KAZN: variants seen among roughly 807,000 people sequenced by gnomAD.
KAZN encodes the protein kazrin.
Under a neutral mutation model 87.4 loss-of-function variants are expected in KAZN, and 40 were observed. The ratio of observed to expected loss-of-function variants is 0.46; its 90% CI spans 0.36 to 0.60. The LOEUF (loss-of-function observed/expected upper bound fraction) is 0.60. Among genes scored for constraint, KAZN ranks in the 20% least tolerant of loss-of-function variants. The pLI, the probability that KAZN is intolerant of heterozygous loss-of-function variation, is 0.00. For synonymous variants in KAZN, 466 were observed against 458.3 expected (o/e 1.02, Z -0.22); for missense variants, 898 against 1,073.9 (o/e 0.84, Z 2.29).
chr1:14,168,575 G>C (rs12045417), intron 1 of KAZN, among the ~76,000 whole-genome samples: 17,698 of 152,176 alleles, frequency 0.12, 1,180 homozygotes, highest in East Asian at 0.36. Context: ...TGGCAACAGT[G>C]GATGGAGATG....
intron 1 of KAZN, among the ~76,000 whole-genome samples, chr1:14,794,391 A>C (rs1344310285): frequency 6.6e-6 from 1 of 152,182 alleles, no homozygotes; most frequent in African/African-American, 2.4e-5. Context: ...AACAGGCAAC[A>C]GATCTCTGGA....
intron 1 of KAZN, among the ~76,000 whole-genome samples, chr1:14,750,253 A>G (rs1644377322): frequency 8.8e-6 from 1 of 114,098 alleles, no homozygotes; most frequent in Non-Finnish European, 1.9e-5. Context: ...TTGAGACAGT[A>G]TTCATGGGTG....
At chr1:14,681,837 GCCCGCCACCACA>G (rs1640680311) in intron 1 of KAZN, among the ~76,000 whole-genome samples, 1 of 148,292 alleles carries the variant, frequency 6.7e-6, no homozygotes, top group South Asian at 2.2e-4. Context: ...GACTACAGGC[GCCCGCCACCACA>G]CCCAGCTAAT....
At chr1:15,031,290 T>A (rs148920789) in intron 2 of KAZN, among the ~76,000 whole-genome samples, 1 of 152,232 alleles carries the variant, frequency 6.6e-6, no homozygotes, top group East Asian at 1.9e-4. Flanking sequence ...AGTCATAGAG[T>A]TGCTTTGCCT....
chr1:14,290,701 C>T (rs532702287), intron 2 of KAZN, among the ~76,000 whole-genome samples: 35 of 152,276 alleles, frequency 2.3e-4, no homozygotes, highest in Middle Eastern at 3.4e-3. Flanking sequence ...AGTCATTCTC[C>T]GTCCAGCTTT....
intron 2 of KAZN, among the ~76,000 whole-genome samples, chr1:15,025,058 T>C (rs1671039757): frequency 6.6e-6 from 1 of 152,202 alleles, no homozygotes; most frequent in Non-Finnish European, 1.5e-5. Flanking sequence ...CAGTCATTCA[T>C]TTGAAAGTCA....
chr1:14,557,581 G>A (rs942069035), intron 2 of KAZN, among the ~76,000 whole-genome samples: 2 of 151,412 alleles, frequency 1.3e-5, no homozygotes, highest in Non-Finnish European at 2.9e-5. Context: ...AAGAAATTTG[G>A]CCTGTGTTAG....
intron 2 of KAZN, among the ~76,000 whole-genome samples, chr1:14,537,325 A>G (rs1354928727): frequency 6.6e-6 from 1 of 152,246 alleles, no homozygotes; most frequent in Non-Finnish European, 1.5e-5. Context: ...TGCCCTGTCC[A>G]ATACTGTAGC....
chr1:15,082,796 G>A (rs1276897512), intron 8 of KAZN, among the ~76,000 whole-genome samples: 4 of 152,204 alleles, frequency 2.6e-5, no homozygotes, highest in Non-Finnish European at 5.9e-5. Flanking sequence ...AGGTTCAAGC[G>A]ATTCTCATGC....
At chr1:14,397,899 T>A (rs552982114) in intron 2 of KAZN, among the ~76,000 whole-genome samples, 158 of 148,872 alleles carry the variant, frequency 1.1e-3, no homozygotes, top group Non-Finnish European at 1.7e-3. Context: ...AGGAAGGATG[T>A]GCCTGTTCTG....
At chr1:15,092,975 T>C (rs914792489) in intron 8 of KAZN, among the ~76,000 whole-genome samples, 9 of 151,864 alleles carry the variant, frequency 5.9e-5, no homozygotes, top group Middle Eastern at 6.8e-3. Context: ...TTTCAGTGTA[T>C]TAAGGAATGG....
At chr1:14,591,392 G>T (rs575224585) in intron 2 of KAZN, among the ~76,000 whole-genome samples, 1 of 150,108 alleles carries the variant, frequency 6.7e-6, no homozygotes, top group African/African-American at 2.5e-5. Flanking sequence ...ATATTCTCTT[G>T]TAAGGCCCCG....
At chr1:13,917,106 G>A (rs532680901) in intron 1 of KAZN, among the ~76,000 whole-genome samples, 4 of 152,302 alleles carry the variant, frequency 2.6e-5, no homozygotes, top group Non-Finnish European at 5.9e-5. Context: ...ACACGTGCAT[G>A]CATGCACGCC....
intron 1 of KAZN, among the ~76,000 whole-genome samples, chr1:14,677,987 C>T (rs994683472): frequency 2.0e-5 from 3 of 152,166 alleles, no homozygotes; most frequent in Admixed American, 6.5e-5. Flanking sequence ...TCATGCCCTA[C>T]GAAGTCTGAC....
chr1:14,058,362 C>T (rs1232457262), intron 1 of KAZN, among the ~76,000 whole-genome samples: 1 of 152,112 alleles, frequency 6.6e-6, no homozygotes, highest in Non-Finnish European at 1.5e-5. Context: ...AAAACAAAGC[C>T]AGGAAGACAC....
rs554299514 is a variant in KAZN, at chr1:14,453,532, C to T, written c.250-145451C>T. ...TATAATGCCTGCTCCACCATGTGCA[C>T]GCCACATTCAATAGTCTATCTGCCC... On this transcript the variant is annotated intron_variant, in intron 2 of 16. Transcript: ENST00000636203. 3.3e-5 allele frequency among the ~76,000 whole-genome samples: 5 copies of T among 152,228 alleles called. No homozygotes were observed. In the East Asian group the frequency reaches 7.7e-4, roughly 24 times the overall value.
At chr1:14,329,060 G>A (rs1656659649) in intron 2 of KAZN, among the ~76,000 whole-genome samples, 1 of 152,168 alleles carries the variant, frequency 6.6e-6, no homozygotes, top group South Asian at 2.1e-4. Context: ...AACAATTTAA[G>A]TGTATTACCA....
intron 1 of KAZN, among the ~76,000 whole-genome samples, chr1:14,706,620 AAAATG>A (rs1642224173): frequency 6.6e-6 from 1 of 152,230 alleles, no homozygotes; most frequent in Non-Finnish European, 1.5e-5. Flanking sequence ...GTCAACTTTT[AAAATG>A]AAATTAAATT....
chr1:14,021,263 C>T (rs1193120520), intron 1 of KAZN, among the ~76,000 whole-genome samples: 1 of 152,154 alleles, frequency 6.6e-6, no homozygotes, highest in East Asian at 1.9e-4. Context: ...GGGGAAAGTC[C>T]TCCCCAGTTG....
Sources: allele counts gnomAD v4.1 joint callset (sites outside exome capture counted in the v4.1 genomes callset), GRCh38; gene constraint gnomAD v4.1.1; transcripts MANE v1.5; gene names NCBI Gene and HGNC (gene_info 2026-07-23, HGNC 2026-07-21).